The following TGFBR3 variants were observed in gnomAD, a reference collection of about 807,000 sequenced individuals.
TGFBR3 encodes the protein transforming growth factor beta receptor 3, also known as transforming growth factor beta receptor type 3.
In TGFBR3, 46 loss-of-function variants were observed where a neutral mutation model predicts 87.9. That is an observed-to-expected ratio of 0.52 (90% CI 0.41 to 0.67). TGFBR3 has a LOEUF of 0.67. Ranked by LOEUF, TGFBR3 falls within the 30% of genes least tolerant of loss-of-function variation. The pLI, the probability that TGFBR3 is intolerant of heterozygous loss-of-function variation, is 0.00. For synonymous variants in TGFBR3, 381 were observed against 391.6 expected (o/e 0.97, Z 0.32); for missense variants, 866 against 1,041.9 (o/e 0.83, Z 2.32).
At chr1:91,723,960 T>C (rs948124185) in intron 7 of TGFBR3, among the ~76,000 whole-genome samples, 3 of 152,222 alleles carry the variant, frequency 2.0e-5, no homozygotes, top group Admixed American at 6.5e-5. Flanking sequence ...TCTTGGCCTA[T>C]GTGGTTGTGG....
intron 2 of TGFBR3, among the ~76,000 whole-genome samples, chr1:91,826,282 G>A (rs1264646149): frequency 2.6e-5 from 4 of 152,148 alleles, no homozygotes; most frequent in East Asian, 3.9e-4. Flanking sequence ...GGCCATGATC[G>A]CCTCTTCATT....
intron 2 of TGFBR3, among the ~76,000 whole-genome samples, chr1:91,809,702 C>G (rs1288578178): frequency 6.6e-6 from 1 of 152,202 alleles, no homozygotes; most frequent in Non-Finnish European, 1.5e-5. Flanking sequence ...GAGTCAAATG[C>G]TTAACACTGA....
At chr1:91,730,369 T>C (rs1453454827) in intron 5 of TGFBR3, among the ~76,000 whole-genome samples, 1 of 152,180 alleles carries the variant, frequency 6.6e-6, no homozygotes, top group Non-Finnish European at 1.5e-5. Context: ...AGCTTTCTTT[T>C]TTGAAAAGCT....
In TGFBR3 at chr1:91,882,720, G is replaced by A. The variant is rs184466740; in HGVS notation, c.-114+3158C>T. Among the ~76,000 whole-genome samples, 69 of 152,156 alleles carry A rather than the reference G, an allele frequency of 4.5e-4. 1 individual carries two copies. The highest frequency in any genetic ancestry group is 1.5e-3 in the African/African-American group (64 of 41,542). On this transcript the variant is annotated intron_variant, in intron 1 of 16. Coordinates refer to ENST00000212355, the MANE Select transcript of TGFBR3 (RefSeq NM_003243.5). ...AGATTGCACCACTGCACTCCCGCCC[G>A]GGCGACAGAGCGAGAGACTCCATCT...
rs370322539 is a variant in TGFBR3, at chr1:91,708,645, G to T, written c.2287+18C>A. 2 of 1,613,738 alleles carry T rather than the reference G, an allele frequency of 1.2e-6. No individual in the cohort carries two copies. Among genetic ancestry groups the T allele is most frequent in the South Asian group, 1.1e-5 (1 of 91,068 alleles). On this transcript the variant is annotated intron_variant, in intron 14 of 16. Coordinates refer to ENST00000212355, the MANE Select transcript of TGFBR3 (RefSeq NM_003243.5). ...AGAGCTCAGGCCCCATGCTCTGATC[G>T]TGCCTCCCAAAGCACACCTTTAGAT...
intron 2 of TGFBR3, among the ~76,000 whole-genome samples, chr1:91,818,453 T>C (rs1461594144): frequency 6.6e-6 from 1 of 152,114 alleles, no homozygotes; most frequent in Non-Finnish European, 1.5e-5. Context: ...GGATTCCCCG[T>C]GGACCTTGCC....
chr1:91,830,175 G>A (rs913216838), intron 2 of TGFBR3: 1 of 152,216 alleles, frequency 6.6e-6, no homozygotes, highest in Admixed American at 6.5e-5. Context: ...ATACAAGGCT[G>A]TGTTCCAAAA....
At chr1:91,865,307 TA>T (rs554953411) in intron 1 of TGFBR3, among the ~76,000 whole-genome samples, 9,938 of 139,656 alleles carry the variant, frequency 0.071, 601 homozygotes, top group African/African-American at 0.18. Flanking sequence ...TGCTTTCACT[TA>T]AAAAAAAAAA....
chr1:91,681,294 A>G lies in TGFBR3; in HGVS notation c.*2445T>C, dbSNP rs1246648474. The G allele has an allele frequency of 4.5e-6, 2 of 443,796 alleles. No homozygotes were observed. The highest frequency in any genetic ancestry group is 8.9e-6 in the Non-Finnish European group (2 of 223,812). The allele number at this position is 443,796 out of a possible 1,614,324, so 27.5% of individuals were successfully genotyped here. On this transcript the variant is annotated 3_prime_UTR_variant, in exon 17 of 17. Transcript: ENST00000212355. The stretch of plus-strand genomic sequence containing the variant: ...AAACATTTCAGAAATACTTAACGAC[A>G]TTCACTCTCCAATATGAGATTAGGT...
Position 91,683,843 on chromosome 1 carries a change from T to C in TGFBR3, c.2452A>G (p.Arg818Gly), listed in dbSNP as rs1248695447. The C allele has an allele frequency of 6.2e-7, 1 of 1,602,780 alleles. No homozygotes were observed. Residue 818 changes from arginine (R) to glycine (G), a missense_variant, in exon 17 of 17, where the codon AGG (arginine) becomes GGG (glycine). Coordinates refer to ENST00000212355, the MANE Select transcript of TGFBR3 (RefSeq NM_003243.5). ...IYSHTGETAG[R>G]QQVPTSPPAS... ...GGCGGGGAGGTGGGGACTTGCTGCC[T>C]TCCTGCTGTCTCCCCTGCAGTTAAT...
Position 91,823,889 on chromosome 1 carries a change from G to A in TGFBR3, c.62-26418C>T, listed in dbSNP as rs555638693. Among the ~76,000 whole-genome samples the A allele has an allele frequency of 2.6e-5, 4 of 152,280 alleles. No individual in the cohort carries two copies. The South Asian group carries it at 8.3e-4, about 32-fold the overall frequency. ...TCACGCCTGTAATCCCAAAACTTTGGGAGGCCAAGGTGGGAGGGTTGCTTA... is the reference window on the plus strand; with the variant it reads ...TCACGCCTGTAATCCCAAAACTTTGAGAGGCCAAGGTGGGAGGGTTGCTTA... On this transcript the variant is annotated intron_variant, in intron 2 of 16. Transcript: ENST00000212355.
intron 14 of TGFBR3, among the ~76,000 whole-genome samples, chr1:91,700,878 TCTC>T (rs1282117863): frequency 1.3e-5 from 2 of 152,124 alleles, no homozygotes; most frequent in Non-Finnish European, 2.9e-5. Flanking sequence ...CCCACAAACT[TCTC>T]CTTTCAAGAC....
intron 1 of TGFBR3, 176 bp from the exon 2 acceptor site, chr1:91,861,820 T>C (rs1327198752): frequency 5.0e-6 from 2 of 401,962 alleles, no homozygotes; most frequent in Non-Finnish European, 9.2e-6. Flanking sequence ...AAGATTTTTA[T>C]AGCAAATACT....
chr1:91,683,995 C>G, intron 16 of TGFBR3, 138 bp from the exon 17 acceptor site: 3 of 717,198 alleles, frequency 4.2e-6, no homozygotes, highest in Non-Finnish European at 7.1e-6. Context: ...TAGACTAGGT[C>G]CTAGATGGCT....
Position 91,681,539 on chromosome 1 carries a change from C to A in TGFBR3, c.*2200G>T. 2.7e-6 allele frequency: 1 copy of A among 367,196 alleles called. No individual in the cohort carries two copies. The highest frequency in any genetic ancestry group is 5.2e-6 in the Non-Finnish European group (1 of 193,530). The allele number at this position is 367,196 out of a possible 1,614,324, so 22.7% of individuals were successfully genotyped here. On this transcript the variant is annotated 3_prime_UTR_variant, in exon 17 of 17. Coordinates refer to ENST00000212355, the MANE Select transcript of TGFBR3 (RefSeq NM_003243.5). ...ATATTACAGAAGGTTTTAACCCTGT[C>A]CTTCTAAGACATCAATCTTTTAATA...
At chr1:91,851,319 T>C (rs1458330799) in intron 2 of TGFBR3, among the ~76,000 whole-genome samples, 1 of 152,164 alleles carries the variant, frequency 6.6e-6, no homozygotes, top group African/African-American at 2.4e-5. Flanking sequence ...ATGACTAGAT[T>C]GAAGTTCAGG....
At chr1:91,905,769 G>C (rs1679833429) in intron 1 of TGFBR3, 3 of 152,154 alleles carry the variant, frequency 2.0e-5, no homozygotes, top group Non-Finnish European at 4.4e-5. Flanking sequence ...AGCACTTTTG[G>C]TTGCAAATGA....
At chr1:91,833,575 C>A (rs1465857102) in intron 2 of TGFBR3, among the ~76,000 whole-genome samples, 1 of 151,396 alleles carries the variant, frequency 6.6e-6, no homozygotes, top group Non-Finnish European at 1.5e-5. Context: ...CAAGACCAGC[C>A]TGGCCAATAT....
intron 2 of TGFBR3, among the ~76,000 whole-genome samples, chr1:91,824,659 G>C (rs560323972): frequency 6.6e-6 from 1 of 152,214 alleles, no homozygotes; most frequent in East Asian, 1.9e-4. Context: ...ATTGTTGCTG[G>C]GAGTATAAAA....
Sources: allele counts gnomAD v4.1 joint callset (sites outside exome capture counted in the v4.1 genomes callset), GRCh38; gene constraint gnomAD v4.1.1; transcripts MANE v1.5; gene names NCBI Gene and HGNC (gene_info 2026-07-23, HGNC 2026-07-21).